Variants in EPS15L1 observed in about 807,000 individuals in gnomAD.
The protein encoded by EPS15L1 is epidermal growth factor receptor pathway substrate 15 like 1.
Under a neutral mutation model 117.1 loss-of-function variants are expected in EPS15L1, and 43 were observed. The observed-to-expected ratio is 0.37, with a 90% CI of 0.29 to 0.47. The LOEUF is 0.47. Among genes scored for constraint, EPS15L1 ranks in the 20% least tolerant of loss-of-function variants. The pLI, the probability that EPS15L1 is intolerant of heterozygous loss-of-function variation, is 0.99. For synonymous variants in EPS15L1, 459 were observed against 470.5 expected, an observed-to-expected ratio of 0.98 and a Z score of 0.32; for missense variants, 981 against 1,164.0, an observed-to-expected ratio of 0.84 and a Z score of 2.29.
At chr19:16,464,883 A>C (rs886429642) in intron 1 of EPS15L1, among the ~76,000 whole-genome samples, 2 of 151,368 alleles carry the variant, frequency 1.3e-5, no homozygotes, top group East Asian at 1.9e-4. Flanking sequence ...GATCGAGACC[A>C]TCCTGCCTAA....
chr19:16,402,385 A>C lies in EPS15L1; in HGVS notation c.1727T>G (p.Leu576Arg). 1 of 1,614,134 alleles carries C rather than the reference A, an allele frequency of 6.2e-7. No homozygotes were observed. Among genetic ancestry groups the C allele is most frequent in the Non-Finnish European group, 8.5e-7 (1 of 1,180,004 alleles). The change falls in exon 16 of 24, where the codon CTG becomes CGG. Residue 576 changes from leucine (L) to arginine (R), a missense_variant. Around this residue, in one of 5 missense-constraint regions of EPS15L1, gnomAD observed 819 missense variants for 949.0 expected, o/e 0.86. Transcript: ENST00000455140. ...QVLDGAHGAS[L>R]TDLANLSEGV... ...TTCGCTCAGGTTGGCCAGGTCGGTCAGGCTGGCACCATGGGCTCCATCGAG... is the reference window on the plus strand; with the variant it reads ...TTCGCTCAGGTTGGCCAGGTCGGTCCGGCTGGCACCATGGGCTCCATCGAG...
intron 1 of EPS15L1, among the ~76,000 whole-genome samples, chr19:16,459,187 C>A (rs763650747): frequency 6.6e-6 from 1 of 152,200 alleles, no homozygotes; most frequent in Non-Finnish European, 1.5e-5. Context: ...TTATGCGGTG[C>A]GTGACTGCAT....
intron 1 of EPS15L1, among the ~76,000 whole-genome samples, chr19:16,457,330 G>T (rs1440672009): frequency 6.6e-6 from 1 of 152,198 alleles, no homozygotes; most frequent in East Asian, 1.9e-4. Flanking sequence ...GAGCTAGATG[G>T]AAGAGACAGG....
chr19:16,460,991 C>T (rs2049650783), intron 1 of EPS15L1, among the ~76,000 whole-genome samples: 1 of 152,164 alleles, frequency 6.6e-6, no homozygotes, highest in Admixed American at 6.5e-5. Flanking sequence ...AATTGAAAAG[C>T]ACGTCCTCTT....
intron 22 of EPS15L1, among the ~76,000 whole-genome samples, chr19:16,374,370 C>T (rs769101195): frequency 6.6e-6 from 1 of 152,188 alleles, no homozygotes; most frequent in African/African-American, 2.4e-5. Flanking sequence ...GATGCAGTGG[C>T]CTGTGCCACG....
rs767429709 is a variant in EPS15L1, at chr19:16,441,937, C to T, written c.120G>A (p.Ala40=). The T allele has an allele frequency of 2.2e-5, 36 of 1,613,962 alleles. No individual in the cohort carries two copies. Among genetic ancestry groups the T allele is most frequent in the Non-Finnish European group, 2.9e-5 (34 of 1,179,976 alleles). Reference sequence around the variant, plus strand: ...AGAGGCCAGACTTCTTTAGAAAAAGCGCAGCTTCACTCGCCCCCACCCTCC... The same window carrying T: ...AGAGGCCAGACTTCTTTAGAAAAAGTGCAGCTTCACTCGCCCCCACCCTCC... The part of the protein sequence containing the change: ...YTGRVGASEA[A]LFLKKSGLSD... Residue 40 remains alanine, a synonymous_variant, in exon 3 of 24, where the codon GCG becomes GCA. Coordinates refer to ENST00000455140, the MANE Select transcript of EPS15L1 (RefSeq NM_001258374.3).
At chr19:16,465,986 A>AT (rs1210019369) in intron 1 of EPS15L1, among the ~76,000 whole-genome samples, 5,566 of 126,184 alleles carry the variant, frequency 0.044, 189 homozygotes, top group African/African-American at 0.069. Flanking sequence ...CACTTTATCT[A>AT]TTTTTTTTTT....
At position 16,417,644 on chromosome 19, in the gene EPS15L1, T is replaced by G; in HGVS notation, c.1108-7A>C. On this transcript the variant is annotated splice_polypyrimidine_tract_variant and splice_region_variant and intron_variant, in intron 11 of 23. Coordinates refer to ENST00000455140, the MANE Select transcript of EPS15L1 (RefSeq NM_001258374.3). ...CGAGAGAGCCTGAACTGTCCTAGAA[T>G]TGAATTCAGAGGCGAGATCTCTAAT... 1 of 1,613,494 alleles carries G rather than the reference T, an allele frequency of 6.2e-7. No homozygotes were observed.
At chr19:16,422,186 C>A (rs987883583) in intron 9 of EPS15L1, among the ~76,000 whole-genome samples, 2 of 152,226 alleles carry the variant, frequency 1.3e-5, no homozygotes, top group African/African-American at 4.8e-5. Flanking sequence ...GCACGTGCGA[C>A]CCCTCTCGCC....
chr19:16,421,195 C>T (rs558300150), intron 10 of EPS15L1, 124 bp downstream of exon 10: 372 of 1,104,960 alleles, frequency 3.4e-4, no homozygotes, highest in Middle Eastern at 1.6e-3. Context: ...GAATAAAGGA[C>T]GCCAGACACA....
intron 16 of EPS15L1, 24 bp downstream of exon 16, chr19:16,402,297 G>A (rs1327023324): frequency 2.5e-6 from 4 of 1,594,580 alleles, no homozygotes; most frequent in East Asian, 2.2e-5. Context: ...GCCCCATACT[G>A]TAATACGTTT....
At chr19:16,402,292 A>T (rs1316082154) in intron 16 of EPS15L1, 29 bp downstream of exon 16, 1 of 1,577,410 alleles carries the variant, frequency 6.3e-7, no homozygotes, top group Non-Finnish European at 8.6e-7. Flanking sequence ...CCAGAGCCCC[A>T]TACTGTAATA....
chr19:16,373,598 C>T (rs969041403), intron 22 of EPS15L1, among the ~76,000 whole-genome samples: 5 of 152,134 alleles, frequency 3.3e-5, no homozygotes, highest in African/African-American at 7.2e-5. Context: ...CGACTTCACC[C>T]GACACTCATC....
chr19:16,380,566 G>T (rs1222178527), intron 21 of EPS15L1, among the ~76,000 whole-genome samples: 5 of 152,150 alleles, frequency 3.3e-5, no homozygotes, highest in South Asian at 2.1e-4. Context: ...GGCCATCTAA[G>T]GCTCCAGGGT....
chr19:16,373,828 T>C (rs2092258442), intron 22 of EPS15L1, among the ~76,000 whole-genome samples: 1 of 152,204 alleles, frequency 6.6e-6, no homozygotes, highest in Non-Finnish European at 1.5e-5. Context: ...GTCAACTCAG[T>C]GTTTGGACTG....
Position 16,471,591 on chromosome 19 carries a change from C to T in EPS15L1, c.33+322G>A, listed in dbSNP as rs916679419. On this transcript the variant is annotated intron_variant, in intron 1 of 23. Transcript: ENST00000455140. The surrounding 1 kb of genome is among the most constrained non-coding windows in gnomAD (Gnocchi z 4.8). ...AGAAACGCTCGCACCCCTCGCCCAC[C>T]CCTCCGGGATGCAGCCCAGCGCCTC... 2.6e-5 allele frequency among the ~76,000 whole-genome samples: 4 copies of T among 152,208 alleles called. No homozygotes were observed. The highest frequency in any genetic ancestry group is 5.9e-5 in the Non-Finnish European group (4 of 68,012).
intron 22 of EPS15L1, among the ~76,000 whole-genome samples, chr19:16,363,779 C>G (rs1000849517): frequency 2.6e-5 from 4 of 152,254 alleles, no homozygotes; most frequent in African/African-American, 7.2e-5. Flanking sequence ...CGTAGCCCCC[C>G]CTTGCCTGTA....
intron 1 of EPS15L1, among the ~76,000 whole-genome samples, chr19:16,465,538 C>A (rs2093296753): frequency 1.3e-5 from 2 of 152,050 alleles, no homozygotes; most frequent in Non-Finnish European, 2.9e-5. Flanking sequence ...TAAAAATTAG[C>A]CAGGTGTGGT....
chr19:16,417,914 T>C, intron 11 of EPS15L1, 34 bp downstream of exon 11: 2 of 1,590,316 alleles, frequency 1.3e-6, no homozygotes, highest in Non-Finnish European at 1.7e-6. Flanking sequence ...GGAAGGGATG[T>C]CAATACCCCC....
Sources: allele counts gnomAD v4.1 joint callset (sites outside exome capture counted in the v4.1 genomes callset), GRCh38; gene constraint gnomAD v4.1.1; regional missense constraint gnomAD v4.1.1; non-coding constraint Gnocchi (gnomAD v3.1); transcripts MANE v1.5; gene names NCBI Gene and HGNC (gene_info 2026-07-23, HGNC 2026-07-21).